Variants in DLGAP1 observed in about 807,000 individuals in gnomAD.
DLGAP1 encodes DLG associated protein 1, also known as disks large-associated protein 1.
A neutral mutation model predicts 90.8 loss-of-function variants in DLGAP1; 11 were observed. That is an observed-to-expected ratio of 0.12 (90% confidence interval 0.08 to 0.20). The LOEUF (loss-of-function observed/expected upper bound fraction) is 0.20. Ranked by LOEUF, DLGAP1 falls within the 10% of genes least tolerant of loss-of-function variation. The pLI is 1.00. For missense variants in DLGAP1, 1,050 were observed against 1,333.8 expected (o/e 0.79, Z 3.31); for synonymous variants, 558 against 540.7 (o/e 1.03, Z -0.44).
chr18:4,404,092 CT>C (rs2082613663), intron 1 of DLGAP1, among the ~76,000 whole-genome samples: 1 of 152,118 alleles, frequency 6.6e-6, no homozygotes, highest in Non-Finnish European at 1.5e-5. Context: ...AGTCACAGGA[CT>C]TTTGAGGAAG....
chr18:3,678,701 C>A (rs181517695), intron 7 of DLGAP1, among the ~76,000 whole-genome samples: 8 of 152,304 alleles, frequency 5.3e-5, no homozygotes, highest in African/African-American at 4.8e-5. Context: ...TTATACCACA[C>A]AACTTAATTC....
Position 4,454,663 on chromosome 18 carries a change from G to T in DLGAP1, c.-267+343C>A, listed in dbSNP as rs2083926650. Among the ~76,000 whole-genome samples the T allele has an allele frequency of 7.2e-5, 11 of 152,142 alleles. No individual in the cohort carries two copies. The South Asian group carries it at 2.3e-3, about 32-fold the overall frequency. ...GACCGGTGGACATGACCGGGACAGGGGACCGGTGTTCTCCTCCCCTCCCCC... is the reference window on the plus strand; with the variant it reads ...GACCGGTGGACATGACCGGGACAGGTGACCGGTGTTCTCCTCCCCTCCCCC... On this transcript the variant is annotated intron_variant, in intron 1 of 12. Transcript: ENST00000315677. The surrounding 1 kb of genome is among the most constrained non-coding windows in gnomAD (Gnocchi z 4.7).
intron 1 of DLGAP1, chr18:4,248,853 T>C (rs1041364433): frequency 3.3e-5 from 5 of 152,626 alleles, no homozygotes; most frequent in African/African-American, 9.6e-5. Flanking sequence ...CTGACCTTCA[T>C]ACCCCGCCGG....
At chr18:3,785,848 A>C (rs971337442) in intron 5 of DLGAP1, among the ~76,000 whole-genome samples, 12 of 152,226 alleles carry the variant, frequency 7.9e-5, no homozygotes, top group Non-Finnish European at 1.8e-4. Context: ...GAAAGGGAGC[A>C]GGGGAGCAGG....
At chr18:3,639,755 C>CTTTTTTTT (rs58862252) in intron 7 of DLGAP1, among the ~76,000 whole-genome samples, 9,862 of 117,150 alleles carry the variant, frequency 0.084, 692 homozygotes, top group African/African-American at 0.1. Context: ...GCAGAGTTGC[C>CTTTTTTTT]TTTTTTTTTT....
intron 5 of DLGAP1, among the ~76,000 whole-genome samples, chr18:3,799,402 A>G (rs775182425): frequency 6.6e-6 from 1 of 151,830 alleles, no homozygotes; most frequent in Non-Finnish European, 1.5e-5. Context: ...GGGTTTCTTC[A>G]TAGCGTTCCT....
intron 4 of DLGAP1, among the ~76,000 whole-genome samples, chr18:3,870,372 A>G (rs117593988): frequency 1.4e-3 from 214 of 152,328 alleles, no homozygotes; most frequent in Non-Finnish European, 2.2e-3. Context: ...CCACTTTACA[A>G]TATTTCATGT....
intron 2 of DLGAP1, among the ~76,000 whole-genome samples, chr18:4,056,454 C>A (rs770931877): frequency 6.6e-6 from 1 of 152,166 alleles, no homozygotes; most frequent in Non-Finnish European, 1.5e-5. Context: ...AGTTATGATC[C>A]CACAGCATGA....
chr18:4,130,938 C>G (rs1276872442), intron 2 of DLGAP1, among the ~76,000 whole-genome samples: 1 of 151,872 alleles, frequency 6.6e-6, no homozygotes, highest in Non-Finnish European at 1.5e-5. Flanking sequence ...GGGGGAATTG[C>G]AGGAAAATAT....
At position 4,171,498 on chromosome 18, in the gene DLGAP1, A is replaced by G. The variant is rs1014831347; in HGVS notation, c.-266-20211T>C. On this transcript the variant is annotated intron_variant, in intron 1 of 12. Transcript: ENST00000315677. ...GAGAATGGCGTGAACTCGGAAGGCGAAGCTTGCAGTGAGCCGAGATCGCAC... is the reference window on the plus strand; with the variant it reads ...GAGAATGGCGTGAACTCGGAAGGCGGAGCTTGCAGTGAGCCGAGATCGCAC... Among the ~76,000 whole-genome samples the G allele has an allele frequency of 4.2e-4, 64 of 151,728 alleles. 2 individuals carry two copies. Among genetic ancestry groups the G allele is most frequent in the Middle Eastern group, 3.4e-3 (1 of 294 alleles).
At chr18:3,656,730 C>T (rs1191278350) in intron 7 of DLGAP1, among the ~76,000 whole-genome samples, 1 of 151,458 alleles carries the variant, frequency 6.6e-6, no homozygotes, top group East Asian at 1.9e-4. Flanking sequence ...TGCACCTTTG[C>T]AGTGAATTTT....
chr18:4,101,621 A>G (rs1337739881), intron 2 of DLGAP1, among the ~76,000 whole-genome samples: 2 of 150,882 alleles, frequency 1.3e-5, no homozygotes, highest in African/African-American at 2.5e-5. Context: ...AAGCATAAAA[A>G]AGTGACGTGC....
intron 1 of DLGAP1, among the ~76,000 whole-genome samples, chr18:4,379,490 C>T (rs2082076033): frequency 6.6e-6 from 1 of 152,062 alleles, no homozygotes; most frequent in Admixed American, 6.6e-5. Context: ...CAAGGCCCAC[C>T]CAAATTCTTC....
intron 9 of DLGAP1, among the ~76,000 whole-genome samples, chr18:3,559,685 C>A (rs553232054): frequency 1.3e-5 from 2 of 148,896 alleles, no homozygotes; most frequent in South Asian, 2.1e-4. Context: ...TGCAGTGGCA[C>A]GATCTCAGCT....
chr18:3,869,364 C>T (rs988073499), intron 4 of DLGAP1, among the ~76,000 whole-genome samples: 4 of 152,128 alleles, frequency 2.6e-5, no homozygotes, highest in Non-Finnish European at 4.4e-5. Flanking sequence ...AAGTTTAACA[C>T]CATCCTAGGC....
chr18:4,269,643 C>T lies in DLGAP1; in HGVS notation c.-266-118356G>A, dbSNP rs1018358397. Among the ~76,000 whole-genome samples, 45 of 152,064 alleles carry T rather than the reference C, an allele frequency of 3.0e-4. 1 individual carries two copies. Among genetic ancestry groups the T allele is most frequent in the African/African-American group, 8.7e-4 (36 of 41,506 alleles). ...TGCTGGCATTACAGGCGTGAGCCAC[C>T]GCGCCCGGCCATATTCTATTATTAT... On this transcript the variant is annotated intron_variant, in intron 1 of 12. Coordinates refer to ENST00000315677, the MANE Select transcript of DLGAP1 (RefSeq NM_004746.4).
chr18:4,170,227 A>T (rs1455549998), intron 1 of DLGAP1, among the ~76,000 whole-genome samples: 1 of 152,168 alleles, frequency 6.6e-6, no homozygotes. Flanking sequence ...AACGTTGGGC[A>T]TGAAAGAGGA....
intron 10 of DLGAP1, among the ~76,000 whole-genome samples, chr18:3,529,347 C>T (rs1213464391): frequency 6.6e-6 from 1 of 152,132 alleles, no homozygotes; most frequent in Non-Finnish European, 1.5e-5. Flanking sequence ...CTGCCAGTAT[C>T]TTAATCTTGA....
chr18:4,108,708 T>C (rs1023539596), intron 2 of DLGAP1, among the ~76,000 whole-genome samples: 13 of 152,234 alleles, frequency 8.5e-5, no homozygotes, highest in African/African-American at 3.1e-4. Context: ...AAAGCAACTT[T>C]AGGCAGCATT....
Sources: allele counts gnomAD v4.1 joint callset (sites outside exome capture counted in the v4.1 genomes callset), GRCh38; gene constraint gnomAD v4.1.1; non-coding constraint Gnocchi (gnomAD v3.1); transcripts MANE v1.5; gene names NCBI Gene and HGNC (gene_info 2026-07-23, HGNC 2026-07-21).